RCN2: variants seen among roughly 807,000 people sequenced by gnomAD.
RCN2 encodes reticulocalbin-2.
RCN2 carries 23 observed loss-of-function variants against 37.5 expected under a neutral mutation model. That is an observed-to-expected ratio of 0.61 (90% CI 0.44 to 0.87). RCN2 has a LOEUF of 0.87. Ranked by LOEUF, RCN2 falls within the 40% of genes least tolerant of loss-of-function variation. The pLI is 0.00. For synonymous variants in RCN2, 140 were observed against 144.6 expected, an observed-to-expected ratio of 0.97 and a Z score of 0.23; for missense variants, 381 against 390.4, an observed-to-expected ratio of 0.98 and a Z score of 0.20.
At chr15:76,934,150 T>G (rs72742428) in intron 2 of RCN2, among the ~76,000 whole-genome samples, 5,419 of 146,948 alleles carry the variant, frequency 0.037, 116 homozygotes, top group African/African-American at 0.047. Flanking sequence ...TAGTTTTTTG[T>G]TTTTTTTTTT....
chr15:76,948,346 C>T, intron 5 of RCN2, 64 bp from the exon 6 acceptor site: 1 of 1,211,442 alleles, frequency 8.3e-7, no homozygotes, highest in Non-Finnish European at 1.1e-6. Flanking sequence ...AGGGATATAC[C>T]AAACTTCTTA....
rs1363443738 is a variant in RCN2 at position 76,950,660 on chromosome 15, A to T, written c.*1438A>T. On this transcript the variant is annotated 3_prime_UTR_variant, in exon 7 of 7. Transcript: ENST00000394885. ...CACCTCGGCCTCCCAAGGTGCTGGA[A>T]TTACAGGCGTGAGCCAACGCGCACG... 1 of 152,204 alleles carries T rather than the reference A, an allele frequency of 6.6e-6. No individual in the cohort carries two copies. The highest frequency in any genetic ancestry group is 1.5e-5 in the Non-Finnish European group (1 of 68,074). 9.4% of individuals were successfully genotyped at this position (152,204 alleles called of 1,614,324 possible).
In RCN2 at chr15:76,949,143, C is replaced by T. The variant is rs771048379; in HGVS notation, c.875C>T (p.Pro292Leu). 9.9e-6 allele frequency: 16 copies of T among 1,612,978 alleles called. No homozygotes were observed. Among genetic ancestry groups the T allele is most frequent in the Middle Eastern group, 1.6e-4 (1 of 6,080 alleles). Residue 292 changes from proline (P) to leucine (L), a missense_variant, in exon 7 of 7, where the codon CCG becomes CTG. Pro to Leu is a moderately conservative substitution (Grantham distance 98). Coordinates refer to ENST00000394885, the MANE Select transcript of RCN2 (RefSeq NM_002902.3). Reference sequence around the variant, plus strand: ...TCTGAAGAAGAGATTCTGGAAAACCCGGACTTGTTTCTCACCAGTGAAGCC... The same window carrying T: ...TCTGAAGAAGAGATTCTGGAAAACCTGGACTTGTTTCTCACCAGTGAAGCC... ...KLSEEEILEN[P>L]DLFLTSEATD... is the part of the protein sequence containing the mutation.
chr15:76,933,030 A>C (rs1459005099), intron 2 of RCN2, among the ~76,000 whole-genome samples: 1 of 152,204 alleles, frequency 6.6e-6, no homozygotes, highest in Non-Finnish European at 1.5e-5. Context: ...AAGCTGGACT[A>C]GAATCCAGGT....
intron 4 of RCN2, among the ~76,000 whole-genome samples, chr15:76,945,892 G>A (rs1216473976): frequency 1.3e-5 from 2 of 152,186 alleles, no homozygotes; most frequent in Non-Finnish European, 2.9e-5. Context: ...ACAGTGCTGG[G>A]TGTAATTTAA....
chr15:76,946,457 AAAG>A (rs1026190011), intron 4 of RCN2, among the ~76,000 whole-genome samples: 7 of 152,086 alleles, frequency 4.6e-5, no homozygotes, highest in African/African-American at 9.7e-5. Flanking sequence ...TTAAAAAAAA[AAAG>A]AAGGGGGAGG....
At chr15:76,948,044 A>T (rs1477452413) in intron 5 of RCN2, 1 of 166,656 alleles carries the variant, frequency 6.0e-6, no homozygotes, top group Non-Finnish European at 1.3e-5. Flanking sequence ...GTCACTTTAA[A>T]ATTACACATG....
intron 4 of RCN2, among the ~76,000 whole-genome samples, chr15:76,944,546 C>T (rs1222057681): frequency 6.6e-6 from 1 of 152,128 alleles, no homozygotes; most frequent in Non-Finnish European, 1.5e-5. Context: ...TCTCTGGTAA[C>T]CATCTTCTAC....
rs1006450589 is a variant in RCN2, at chr15:76,951,284, A to C, written c.*2062A>C. On this transcript the variant is annotated 3_prime_UTR_variant, in exon 7 of 7. Coordinates refer to ENST00000394885, the MANE Select transcript of RCN2 (RefSeq NM_002902.3). ...TTCTGACCAGTTAAACATGGGTGGA[A>C]GTAGTGTGTGTCACTATCAGACTAT... 1.3e-5 allele frequency: 2 copies of C among 152,226 alleles called. No homozygotes were observed. The highest frequency in any genetic ancestry group is 4.8e-5 in the African/African-American group (2 of 41,452). 9.4% of individuals were successfully genotyped at this position (152,226 alleles called of 1,614,324 possible).
chr15:76,949,036 ATTAC>A, intron 6 of RCN2, 30 bp from the exon 7 acceptor site: 3 of 1,552,512 alleles, frequency 1.9e-6, no homozygotes, highest in South Asian at 1.2e-5. Context: ...GAAAATACTT[ATTAC>A]ACTTGACACT....
rs960484310 is a variant in RCN2 at position 76,937,580 on chromosome 15, G to A, written c.447+1858G>A. Among the ~76,000 whole-genome samples the A allele has an allele frequency of 2.0e-5, 3 of 151,858 alleles. No homozygotes were observed. In the East Asian group the frequency reaches 5.8e-4, roughly 29 times the overall value. Reference sequence around the variant, plus strand: ...AAGCCACCACGCCCATCTAATTTTTGTATTTTTTGTAGAGATGGGGTTTTA... The same window carrying A: ...AAGCCACCACGCCCATCTAATTTTTATATTTTTTGTAGAGATGGGGTTTTA... On this transcript the variant is annotated intron_variant, in intron 3 of 6. Transcript: ENST00000394885.
In RCN2 at chr15:76,938,585, CTG is replaced by C. The variant is rs1433156541; in HGVS notation, c.447+2865_447+2866del. The C allele has an allele frequency of 2.9e-5, 11 of 385,592 alleles. No homozygotes were observed. In the East Asian group the frequency reaches 7.4e-4, roughly 26 times the overall value. The allele number at this position is 385,592 out of a possible 1,614,324, so 23.9% of individuals were successfully genotyped here. A position where few individuals can be genotyped will look rare whatever the true frequency, so the allele number is the denominator to read the frequency against. ...CTTTTCATCTTGGAAAGCTGAAACT[CTG>C]TACCTGTTAAACAACACCCCATTCC... is the stretch of plus-strand genomic sequence containing the variant. On this transcript the variant is annotated intron_variant, in intron 3 of 6. Transcript: ENST00000394885.
At chr15:76,948,274 G>A in intron 5 of RCN2, 136 bp from the exon 6 acceptor site, 1 of 518,822 alleles carries the variant, frequency 1.9e-6, no homozygotes, top group South Asian at 4.7e-5. Flanking sequence ...GGACTTTTCA[G>A]TTAAGTAGTT....
intron 3 of RCN2, 166 bp from the exon 4 acceptor site, chr15:76,943,592 T>G: frequency 2.0e-6 from 1 of 494,610 alleles, no homozygotes; most frequent in South Asian, 3.2e-5. Flanking sequence ...AGCTTGTGAG[T>G]CTATCCTGCC....
rs1183774868 is a variant in RCN2, at chr15:76,952,635, T to G, written c.*3413T>G. On this transcript the variant is annotated 3_prime_UTR_variant, in exon 7 of 7. Transcript: ENST00000394885. ...GGCAAACACCATTCTAGTTTTTTTGTTTGAGATGGAGTCTTGCTCTTGTTG... is the reference window on the plus strand; with the variant it reads ...GGCAAACACCATTCTAGTTTTTTTGGTTGAGATGGAGTCTTGCTCTTGTTG... 2 of 152,274 alleles carry G rather than the reference T, an allele frequency of 1.3e-5. No homozygotes were observed. The highest frequency in any genetic ancestry group is 4.8e-5 in the African/African-American group (2 of 41,446). The allele number at this position is 152,274 out of a possible 1,614,324, so 9.4% of individuals were successfully genotyped here.
rs755927222 is a variant in RCN2, at chr15:76,947,411, C to T, written c.562-10C>T. On this transcript the variant is annotated splice_polypyrimidine_tract_variant and intron_variant, in intron 4 of 6. Coordinates refer to ENST00000394885, the MANE Select transcript of RCN2 (RefSeq NM_002902.3). ...ACTTTTTTTTTTCTTTTTTAATGAA[C>T]GTGGAATAGGAATTTGTCATTCAAG... 1.3e-5 allele frequency: 20 copies of T among 1,533,852 alleles called. No homozygotes were observed. Among genetic ancestry groups the T allele is most frequent in the East Asian group, 2.3e-5 (1 of 43,378 alleles).
intron 3 of RCN2, chr15:76,938,851 C>T: frequency 2.3e-6 from 1 of 441,258 alleles, no homozygotes; most frequent in Non-Finnish European, 4.7e-6. Flanking sequence ...TCAGTTTCCT[C>T]ATCTCCAAAA....
chr15:76,944,549 T>C (rs77410126), intron 4 of RCN2, among the ~76,000 whole-genome samples: 2 of 152,120 alleles, frequency 1.3e-5, no homozygotes, highest in Admixed American at 6.5e-5. Flanking sequence ...CTGGTAACCA[T>C]CTTCTACCGT....
At chr15:76,936,023 A>G (rs1441467063) in intron 3 of RCN2, among the ~76,000 whole-genome samples, 1 of 152,194 alleles carries the variant, frequency 6.6e-6, no homozygotes, top group African/African-American at 2.4e-5. Context: ...TTTTAATATC[A>G]TTGAATAATC....
Sources: gnomAD v4.1 joint callset for allele counts (sites outside exome capture counted in the v4.1 genomes callset) on GRCh38, gnomAD v4.1.1 for gene constraint, MANE v1.5 for transcripts, NCBI Gene and HGNC (gene_info 2026-07-23, HGNC 2026-07-21) for gene names.